ZFYVE9: variants seen among roughly 807,000 people sequenced by gnomAD.
ZFYVE9 encodes the protein zinc finger FYVE-type containing 9.
ZFYVE9 carries 43 observed loss-of-function variants against 126.7 expected under a neutral mutation model. The ratio of observed to expected loss-of-function variants is 0.34; its 90% CI spans 0.27 to 0.44. ZFYVE9 has a LOEUF of 0.44. Ranked by LOEUF, ZFYVE9 falls within the 20% of genes least tolerant of loss-of-function variation. ZFYVE9 has a pLI of 1.00. For missense variants in ZFYVE9, 1,476 were observed against 1,697.0 expected (o/e 0.87, Z 2.29); for synonymous variants, 521 against 597.4 (o/e 0.87, Z 1.87).
At chr1:52,174,349 T>A (rs1051191196) in intron 1 of ZFYVE9, among the ~76,000 whole-genome samples, 93 of 151,302 alleles carry the variant, frequency 6.1e-4, no homozygotes, top group African/African-American at 2.1e-3. Context: ...TCTAGTTTGA[T>A]TGCACTGTGG....
intron 1 of ZFYVE9, among the ~76,000 whole-genome samples, chr1:52,197,115 G>A (rs1344699038): frequency 3.9e-5 from 6 of 152,122 alleles, no homozygotes; most frequent in Admixed American, 3.9e-4. Context: ...TATTATTGAA[G>A]ATAGTATTTC....
At chr1:52,231,693 G>T (rs952255171) in intron 2 of ZFYVE9, among the ~76,000 whole-genome samples, 2 of 151,274 alleles carry the variant, frequency 1.3e-5, no homozygotes, top group Non-Finnish European at 2.9e-5. Flanking sequence ...GTGCAATCTC[G>T]GCTCACTGCA....
intron 1 of ZFYVE9, among the ~76,000 whole-genome samples, chr1:52,175,994 C>G (rs2124531640): frequency 6.6e-6 from 1 of 152,350 alleles, no homozygotes; most frequent in East Asian, 1.9e-4. Flanking sequence ...CTTCTCTCAG[C>G]TCGTCAAAGT....
At chr1:52,257,992 G>A (rs993919627) in intron 4 of ZFYVE9, among the ~76,000 whole-genome samples, 1 of 152,142 alleles carries the variant, frequency 6.6e-6, no homozygotes, top group Non-Finnish European at 1.5e-5. Flanking sequence ...CTCCCAAAGT[G>A]CTGGGATTAC....
chr1:52,329,780 C>A (rs1401265580), intron 13 of ZFYVE9, among the ~76,000 whole-genome samples: 1 of 152,162 alleles, frequency 6.6e-6, no homozygotes, highest in East Asian at 1.9e-4. Flanking sequence ...TGGCCAGCAC[C>A]TGTAATCCCA....
chr1:52,196,865 AG>A (rs1553123617), intron 1 of ZFYVE9, among the ~76,000 whole-genome samples: 3 of 151,406 alleles, frequency 2.0e-5, no homozygotes, highest in Non-Finnish European at 2.9e-5. Context: ...TAAGCAAAAA[AG>A]AAAGTGACAA....
intron 4 of ZFYVE9, among the ~76,000 whole-genome samples, chr1:52,241,303 A>G (rs569836289): frequency 3.7e-4 from 57 of 152,358 alleles, no homozygotes; most frequent in African/African-American, 1.3e-3. Flanking sequence ...AGCAGAAAGA[A>G]GCTAAAGCTG....
At chr1:52,310,083 C>T (rs907995583) in intron 13 of ZFYVE9, among the ~76,000 whole-genome samples, 1 of 151,872 alleles carries the variant, frequency 6.6e-6, no homozygotes, top group Non-Finnish European at 1.5e-5. Context: ...GTGATCTTCC[C>T]ACCTCAGCCT....
intron 4 of ZFYVE9, among the ~76,000 whole-genome samples, chr1:52,255,963 CTTTTCTT>C: frequency 1.9e-5 from 1 of 54,040 alleles, no homozygotes; most frequent in African/African-American, 9.7e-5. Context: ...CTTTTCTTTT[CTTTTCTT>C]TCTTTCTTTC....
intron 4 of ZFYVE9, chr1:52,253,757 G>T: frequency 1.9e-6 from 3 of 1,607,364 alleles, no homozygotes; most frequent in Non-Finnish European, 2.6e-6. Context: ...GATCAGTTAC[G>T]AGATGACAAT....
At chr1:52,146,774 C>T (rs1288840685) in intron 1 of ZFYVE9, among the ~76,000 whole-genome samples, 4 of 152,076 alleles carry the variant, frequency 2.6e-5, no homozygotes, top group African/African-American at 4.8e-5. Context: ...TTAGAGATTG[C>T]TAAATTAAGG....
chr1:52,279,921 A>T (rs1224079158), intron 9 of ZFYVE9, among the ~76,000 whole-genome samples: 1 of 152,176 alleles, frequency 6.6e-6, no homozygotes, highest in Non-Finnish European at 1.5e-5. Context: ...CTTCCTTAGA[A>T]GTTCTACATT....
At chr1:52,327,108 C>A (rs1646298686) in intron 13 of ZFYVE9, among the ~76,000 whole-genome samples, 1 of 151,806 alleles carries the variant, frequency 6.6e-6, no homozygotes, top group Admixed American at 6.6e-5. Context: ...TTGCAGTGAG[C>A]CGAGATTGCA....
intron 1 of ZFYVE9, among the ~76,000 whole-genome samples, chr1:52,144,323 A>T (rs1644288626): frequency 6.6e-6 from 1 of 152,144 alleles, no homozygotes; most frequent in Non-Finnish European, 1.5e-5. Flanking sequence ...ATCTCAAAAA[A>T]AAAAAGTTGA....
At chr1:52,181,655 C>T (rs1450055937) in intron 1 of ZFYVE9, among the ~76,000 whole-genome samples, 3 of 151,880 alleles carry the variant, frequency 2.0e-5, no homozygotes, top group Non-Finnish European at 2.9e-5. Flanking sequence ...TCTTCCCGGC[C>T]GCCATCCCAT....
intron 10 of ZFYVE9, among the ~76,000 whole-genome samples, chr1:52,287,383 G>A (rs1645872237): frequency 6.6e-6 from 1 of 152,162 alleles, no homozygotes; most frequent in Non-Finnish European, 1.5e-5. Context: ...AAAATGCTGG[G>A]ATTATAGGTG....
chr1:52,250,714 CTTT>C (rs34689725), intron 4 of ZFYVE9, among the ~76,000 whole-genome samples: 1 of 143,640 alleles, frequency 7.0e-6, no homozygotes. Context: ...TTCTTTCAGT[CTTT>C]TTTTTTTTTT....
rs560085433 is a variant in ZFYVE9, at chr1:52,196,837, A to G, written c.-142-19532A>G. On this transcript the variant is annotated intron_variant, in intron 1 of 18. Coordinates refer to ENST00000287727, the MANE Select transcript of ZFYVE9 (RefSeq NM_004799.4). Reference sequence around the variant, plus strand: ...TGATACTCTTGAGGAATAAGATGTCAGTGTAGATGTAGAGAAGTAAGCAAA... The same window carrying G: ...TGATACTCTTGAGGAATAAGATGTCGGTGTAGATGTAGAGAAGTAAGCAAA... Among the ~76,000 whole-genome samples the G allele has an allele frequency of 2.6e-4, 40 of 152,338 alleles. No homozygotes were observed. The South Asian group carries it at 7.9e-3, about 30-fold the overall frequency.
chr1:52,271,296 T>C (rs1645689734), intron 7 of ZFYVE9, among the ~76,000 whole-genome samples: 1 of 152,176 alleles, frequency 6.6e-6, no homozygotes, highest in Admixed American at 6.5e-5. Context: ...CTCTAATATT[T>C]ATGTGGTAAA....
Sources: allele counts gnomAD v4.1 joint callset (sites outside exome capture counted in the v4.1 genomes callset), GRCh38; gene constraint gnomAD v4.1.1; transcripts MANE v1.5; gene names NCBI Gene and HGNC (gene_info 2026-07-23, HGNC 2026-07-21).